Variants in MGMT observed in about 807,000 individuals in gnomAD.
MGMT encodes the protein methylated-DNA--protein-cysteine methyltransferase.
In MGMT, 14 loss-of-function variants were observed where a neutral mutation model predicts 15.9. The observed-to-expected ratio is 0.88, with a 90% confidence interval of 0.58 to 1.37. The LOEUF is 1.37. Among genes scored for constraint, MGMT ranks in the 40% most tolerant of loss-of-function variants. The pLI, the probability that MGMT is intolerant of heterozygous loss-of-function variation, is 0.00. For missense variants in MGMT, 282 were observed against 268.1 expected (o/e 1.05, Z -0.36); for synonymous variants, 130 against 118.2 (o/e 1.10, Z -0.65).
chr10:129,567,354 A>AC (rs561509740), intron 2 of MGMT, among the ~76,000 whole-genome samples: 43 of 151,680 alleles, frequency 2.8e-4, no homozygotes, highest in African/African-American at 8.0e-4. Context: ...AGCAGGACAG[A>AC]CCCCCCCAGA....
intron 2 of MGMT, among the ~76,000 whole-genome samples, chr10:129,694,881 G>A (rs1346989137): frequency 6.6e-6 from 1 of 152,144 alleles, no homozygotes; most frequent in Non-Finnish European, 1.5e-5. Context: ...TGCCAGCGAC[G>A]ACACTTGTTG....
intron 2 of MGMT, among the ~76,000 whole-genome samples, chr10:129,683,068 C>A (rs1847870346): frequency 6.6e-6 from 1 of 152,222 alleles, no homozygotes; most frequent in South Asian, 2.1e-4. Flanking sequence ...AGGCTGGCCT[C>A]AAACTCCTGA....
intron 2 of MGMT, among the ~76,000 whole-genome samples, chr10:129,558,969 C>T (rs1846246724): frequency 6.6e-6 from 1 of 152,204 alleles, no homozygotes; most frequent in African/African-American, 2.4e-5. Context: ...CCATAATCAG[C>T]TTTGGCATAT....
chr10:129,633,885 A>C (rs1847237762), intron 2 of MGMT, among the ~76,000 whole-genome samples: 1 of 152,246 alleles, frequency 6.6e-6, no homozygotes, highest in South Asian at 2.1e-4. Flanking sequence ...CCGTTTTGTG[A>C]CAGCAATCAT....
At chr10:129,755,152 A>AGT (rs1848790775) in intron 3 of MGMT, among the ~76,000 whole-genome samples, 1 of 152,236 alleles carries the variant, frequency 6.6e-6, no homozygotes, top group East Asian at 1.9e-4. Flanking sequence ...TTATAAAGAC[A>AGT]TTCAGTAGAA....
chr10:129,687,385 G>A (rs534057193), intron 2 of MGMT, among the ~76,000 whole-genome samples: 16 of 152,194 alleles, frequency 1.1e-4, no homozygotes, highest in Middle Eastern at 3.4e-3. Flanking sequence ...GTTAAGGAGC[G>A]CCGACGCCAA....
intron 1 of MGMT, among the ~76,000 whole-genome samples, chr10:129,514,735 C>T (rs1537686): frequency 0.47 from 71,631 of 151,974 alleles, 17,294 homozygotes; most frequent in East Asian, 0.63. Flanking sequence ...AGCAGGAAGG[C>T]GCCATCTGCG....
chr10:129,761,117 G>A (rs972110746), intron 4 of MGMT, among the ~76,000 whole-genome samples: 4 of 152,168 alleles, frequency 2.6e-5, no homozygotes, highest in African/African-American at 9.7e-5. Flanking sequence ...TGATGAAAAG[G>A]CAGCTCAGAT....
At chr10:129,635,832 G>C (rs1847259186) in intron 2 of MGMT, among the ~76,000 whole-genome samples, 1 of 152,088 alleles carries the variant, frequency 6.6e-6, no homozygotes, top group Non-Finnish European at 1.5e-5. Context: ...AAGCTGGTAC[G>C]GGAAGACCAG....
intron 2 of MGMT, among the ~76,000 whole-genome samples, chr10:129,677,162 A>G (rs2133117060): frequency 8.5e-6 from 1 of 116,974 alleles, no homozygotes; most frequent in East Asian, 3.0e-4. Flanking sequence ...TTTACATGAA[A>G]CACATGTGTT....
intron 1 of MGMT, among the ~76,000 whole-genome samples, chr10:129,498,672 G>A (rs958051640): frequency 2.6e-5 from 4 of 152,160 alleles, no homozygotes; most frequent in South Asian, 2.1e-4. Context: ...CCTGCCCATC[G>A]TTTTTCTAGC....
At chr10:129,731,416 G>A (rs1332674780) in intron 3 of MGMT, among the ~76,000 whole-genome samples, 4 of 138,596 alleles carry the variant, frequency 2.9e-5, no homozygotes, top group African/African-American at 1.1e-4. Context: ...AAGCTTGAGT[G>A]CAGTGACACG....
At chr10:129,638,741 T>G (rs1367009261) in intron 2 of MGMT, among the ~76,000 whole-genome samples, 2 of 152,078 alleles carry the variant, frequency 1.3e-5, no homozygotes, top group Non-Finnish European at 2.9e-5. Context: ...CCTTAACAAT[T>G]ATAATAAATG....
intron 3 of MGMT, among the ~76,000 whole-genome samples, chr10:129,739,521 T>C (rs1848606074): frequency 6.6e-6 from 1 of 152,202 alleles, no homozygotes; most frequent in African/African-American, 2.4e-5. Flanking sequence ...GTGTCTGCTT[T>C]GTGCATCTCT....
At chr10:129,749,751 C>T (rs1439386239) in intron 3 of MGMT, among the ~76,000 whole-genome samples, 3 of 152,142 alleles carry the variant, frequency 2.0e-5, no homozygotes, top group Non-Finnish European at 4.4e-5. Flanking sequence ...GATTAAGCAT[C>T]CTTTTTGCTC....
At chr10:129,559,156 T>C (rs1846249228) in intron 2 of MGMT, among the ~76,000 whole-genome samples, 1 of 152,174 alleles carries the variant, frequency 6.6e-6, no homozygotes, top group Non-Finnish European at 1.5e-5. Flanking sequence ...TAACTCTCCT[T>C]AGGTGAGTGA....
At chr10:129,583,596 C>T (rs1846582553) in intron 2 of MGMT, among the ~76,000 whole-genome samples, 1 of 152,168 alleles carries the variant, frequency 6.6e-6, no homozygotes, top group South Asian at 2.1e-4. Flanking sequence ...CCTGTTCTGC[C>T]CTTTTCCCAA....
chr10:129,604,154 C>G (rs1248370655), intron 2 of MGMT, among the ~76,000 whole-genome samples: 3 of 152,150 alleles, frequency 2.0e-5, no homozygotes, highest in Non-Finnish European at 4.4e-5. Context: ...TCTCCATCCT[C>G]CTCCTTGTTT....
intron 3 of MGMT, among the ~76,000 whole-genome samples, chr10:129,739,313 C>G (rs1848603219): frequency 6.6e-6 from 1 of 152,070 alleles, no homozygotes; most frequent in East Asian, 1.9e-4. Flanking sequence ...GGCAATCAGG[C>G]AAGAGAAAGA....
Sources: allele counts gnomAD v4.1 joint callset (sites outside exome capture counted in the v4.1 genomes callset), GRCh38; gene constraint gnomAD v4.1.1; transcripts MANE v1.5; gene names NCBI Gene and HGNC (gene_info 2026-07-23, HGNC 2026-07-21).